Variants in HIPK1 observed in about 807,000 individuals in gnomAD.
The protein encoded by HIPK1 is homeodomain interacting protein kinase 1, also known as homeodomain-interacting protein kinase 1.
A neutral mutation model predicts 117.1 loss-of-function variants in HIPK1; 28 were observed. That is an observed-to-expected ratio of 0.24 (90% CI 0.18 to 0.33). HIPK1 has a LOEUF of 0.33. Ranked by LOEUF, HIPK1 falls within the 10% of genes least tolerant of loss-of-function variation. HIPK1 has a pLI of 1.00. For missense variants in HIPK1, 1,122 were observed against 1,475.1 expected (o/e 0.76, Z 3.92); for synonymous variants, 605 against 562.5 (o/e 1.08, Z -1.07).
intron 10 of HIPK1, among the ~76,000 whole-genome samples, chr1:113,965,163 A>G (rs141097311): frequency 8.3e-4 from 127 of 152,358 alleles, no homozygotes; most frequent in Non-Finnish European, 1.5e-3. Flanking sequence ...AAATATTTTT[A>G]AAACAGTGTG....
chr1:113,937,746 G>A (rs1310083254), intron 1 of HIPK1, among the ~76,000 whole-genome samples: 1 of 152,108 alleles, frequency 6.6e-6, no homozygotes, highest in Admixed American at 6.6e-5. Flanking sequence ...GTGGGGGCAG[G>A]GGGTGATCGT....
intron 13 of HIPK1, among the ~76,000 whole-genome samples, chr1:113,968,935 A>G (rs1322905197): frequency 6.6e-6 from 1 of 152,060 alleles, no homozygotes; most frequent in Non-Finnish European, 1.5e-5. Flanking sequence ...CAGGAGAATC[A>G]CTTGAACCCA....
intron 2 of HIPK1, among the ~76,000 whole-genome samples, chr1:113,945,439 G>A (rs1446018594): frequency 2.6e-5 from 4 of 152,084 alleles, no homozygotes; most frequent in Non-Finnish European, 5.9e-5. Context: ...TTTCCCCTAT[G>A]TTTTCTGCTA....
intron 2 of HIPK1, among the ~76,000 whole-genome samples, chr1:113,945,582 A>C (rs570503500): frequency 6.6e-6 from 1 of 152,316 alleles, no homozygotes; most frequent in South Asian, 2.1e-4. Context: ...ATTTGCTAAG[A>C]AGATTGTCCT....
intron 13 of HIPK1, 70 bp from the exon 14 acceptor site, chr1:113,969,881 TGGGTG>T: frequency 6.5e-7 from 1 of 1,545,960 alleles, no homozygotes; most frequent in Non-Finnish European, 8.8e-7. Flanking sequence ...CACTCCAGCC[TGGGTG>T]ACAGAACAAG....
At chr1:113,956,485 T>G (rs979100302) in intron 5 of HIPK1, 142 bp from the exon 6 acceptor site, 1 of 511,716 alleles carries the variant, frequency 2.0e-6, no homozygotes, top group African/African-American at 2.0e-5. Flanking sequence ...TGAAAATGAT[T>G]AGATTTTCAT....
chr1:113,940,420 G>A lies in HIPK1; in HGVS notation c.37G>A (p.Val13Met). 1 of 1,612,920 alleles carries A rather than the reference G, an allele frequency of 6.2e-7. No individual in the cohort carries two copies. The highest frequency in any genetic ancestry group is 8.5e-7 in the Non-Finnish European group (1 of 1,179,196). The change falls in exon 2 of 16, where the codon GTG becomes ATG. Residue 13 changes from valine (V) to methionine (M), a missense_variant. By Grantham distance (21) the Val-to-Met change is conservative. This residue lies in a region of HIPK1 where 192 missense variants were observed against 234.0 expected (regional missense o/e 0.82). Transcript: ENST00000426820. ...GCTGCAAGTGTTTTCGCCCCCATCA[G>A]TGTCGTCGAGTGCCTTCTGCAGTGC... ...SQLQVFSPPS[V>M]SSSAFCSAKK...
intron 10 of HIPK1, among the ~76,000 whole-genome samples, chr1:113,965,545 C>G (rs1672388071): frequency 6.6e-6 from 1 of 152,118 alleles, no homozygotes; most frequent in African/African-American, 2.4e-5. Flanking sequence ...CATTATGTGG[C>G]TATAAATGAT....
At chr1:113,970,299 G>A in intron 14 of HIPK1, 102 bp downstream of exon 14, 3 of 1,263,706 alleles carry the variant, frequency 2.4e-6, no homozygotes, top group Non-Finnish European at 3.4e-6. Context: ...GACCAGTGGT[G>A]TAGACATTCT....
intron 8 of HIPK1, 43 bp from the exon 9 acceptor site, chr1:113,962,274 C>G (rs1466092509): frequency 2.6e-5 from 42 of 1,602,358 alleles, no homozygotes; most frequent in Non-Finnish European, 3.5e-5. Flanking sequence ...ACAGTACTCC[C>G]AGACCTTGCA....
chr1:113,937,115 C>T (rs1670301651), intron 1 of HIPK1, among the ~76,000 whole-genome samples: 1 of 152,186 alleles, frequency 6.6e-6, no homozygotes. Context: ...AATTCAGCCT[C>T]ACAGTTAAAT....
Position 113,958,068 on chromosome 1 carries a change from C to T in HIPK1, c.1758C>T (p.Ala586=), listed in dbSNP as rs775604377. The stretch of plus-strand genomic sequence containing the variant: ...AAATATAATCCTTTTGTTTTTAGGC[C>T]AGTGTTCTAGCTTCCAGTTCTACTG... The part of the protein sequence containing the change: ...SNQLNTVHNQ[A]SVLASSSTAA... Residue 586 remains alanine, a splice_region_variant and synonymous_variant, in exon 8 of 16, where the codon GCC becomes GCT. Transcript: ENST00000426820. 2 of 1,611,378 alleles carry T rather than the reference C, an allele frequency of 1.2e-6. No homozygotes were observed. The highest frequency in any genetic ancestry group is 1.7e-6 in the Non-Finnish European group (2 of 1,177,758).
chr1:113,968,454 T>A lies in HIPK1; in HGVS notation c.2577T>A (p.Asp859Glu). ...SAPVSSKSSL[D>E]VLPSQVYSLV... is the part of the protein sequence containing the mutation. ...ACTTTTCCTACAGGTCCTCTCTAGA[T>A]GTTCTGCCTTCCCAAGTCTATTCTC... The change falls in exon 13 of 16, where the codon GAT (aspartate) becomes GAA (glutamate). Residue 859 changes from aspartate to glutamate, a missense_variant. Coordinates refer to ENST00000426820, the MANE Select transcript of HIPK1 (RefSeq NM_198268.3). 11 of 1,613,180 alleles carry A rather than the reference T, an allele frequency of 6.8e-6. No homozygotes were observed. Among genetic ancestry groups the A allele is most frequent in the Non-Finnish European group, 9.3e-6 (11 of 1,179,064 alleles).
Position 113,943,596 on chromosome 1 carries a change from T to C in HIPK1, c.1076+2137T>C, listed in dbSNP as rs372703777. 3.9e-5 allele frequency among the ~76,000 whole-genome samples: 6 copies of C among 152,346 alleles called. No homozygotes were observed. In the East Asian group the frequency reaches 9.6e-4, roughly 24 times the overall value. On this transcript the variant is annotated intron_variant, in intron 2 of 15. Coordinates refer to ENST00000426820, the MANE Select transcript of HIPK1 (RefSeq NM_198268.3). ...TGAATAATGCTGCTATGAACATTGGTGTACAAGTATCCTAGTCCCTATTTT... is the reference window on the plus strand; with the variant it reads ...TGAATAATGCTGCTATGAACATTGGCGTACAAGTATCCTAGTCCCTATTTT...
rs758705160 is a variant in HIPK1, at chr1:113,967,859, G to A, written c.2475G>A (p.Leu825=). 1 of 1,612,474 alleles carries A rather than the reference G, an allele frequency of 6.2e-7. No individual in the cohort carries two copies. The highest frequency in any genetic ancestry group is 1.1e-5 in the South Asian group (1 of 90,716). Residue 825 remains leucine (L), a synonymous_variant, in exon 12 of 16, where the codon CTG becomes CTA. Transcript: ENST00000426820. The part of the protein sequence containing the change: ...NHVTLATAQP[L]NVGVAHVVRQ... ...TGACATTGGCCACTGCTCAGCCTCT[G>A]AATGTTGGTGTTGCCCATGTTGTCA...
intron 10 of HIPK1, 133 bp downstream of exon 10, chr1:113,963,654 A>G: frequency 7.2e-6 from 7 of 972,838 alleles, no homozygotes; most frequent in Non-Finnish European, 7.4e-6. Flanking sequence ...TAGTCTTTGC[A>G]GAGGGCATGG....
rs1314295518 is a variant in HIPK1, at chr1:113,975,079, TGAG to T, written c.*1571_*1573del. The T allele has an allele frequency of 6.5e-6, 1 of 152,822 alleles. No homozygotes were observed. Among genetic ancestry groups the T allele is most frequent in the Non-Finnish European group, 1.5e-5 (1 of 68,102 alleles). The allele number at this position is 152,822 out of a possible 1,614,324, so 9.5% of individuals were successfully genotyped here. A position where few individuals can be genotyped will look rare whatever the true frequency, so the allele number is the denominator to read the frequency against. ...AATTGTTTTGCACAGGTGTGTCTGG[TGAG>T]GAGTTTTTCAGTGTGTGTCTCTTCC... On this transcript the variant is annotated 3_prime_UTR_variant, in exon 16 of 16. Coordinates refer to ENST00000426820, the MANE Select transcript of HIPK1 (RefSeq NM_198268.3).
intron 12 of HIPK1, among the ~76,000 whole-genome samples, chr1:113,968,162 G>A (rs142122354): frequency 3.7e-4 from 56 of 152,236 alleles, no homozygotes; most frequent in Admixed American, 4.6e-4. Flanking sequence ...TGAATCTAGG[G>A]CATTTTATGA....
chr1:113,973,048 A>C lies in HIPK1; in HGVS notation c.3169A>C (p.Thr1057Pro). 1 of 1,516,784 alleles carries C rather than the reference A, an allele frequency of 6.6e-7. No individual in the cohort carries two copies. The highest frequency in any genetic ancestry group is 1.3e-5 in the South Asian group (1 of 75,046). 94.0% of individuals were successfully genotyped at this position (1,516,784 alleles called of 1,614,324 possible). ...SQNQQSSAAPTSQERSSNPAP... is the reference protein window; with the variant it reads ...SQNQQSSAAPPSQERSSNPAP... ...GAACCAGCAGTCATCGGCGGCTCCA[A>C]CCTCACAGGAGAGAAGCAGCAACCC... The change falls in exon 16 of 16, where the codon ACC (threonine) becomes CCC (proline). Residue 1057 changes from threonine (T) to proline (P), a missense_variant. By Grantham distance (38) the Thr-to-Pro change is conservative. This residue lies in a region of HIPK1 where 731 missense variants were observed against 860.4 expected (regional missense o/e 0.85). Transcript: ENST00000426820.
Sources: allele counts gnomAD v4.1 joint callset (sites outside exome capture counted in the v4.1 genomes callset), GRCh38; gene constraint gnomAD v4.1.1; regional missense constraint gnomAD v4.1.1; transcripts MANE v1.5; gene names NCBI Gene and HGNC (gene_info 2026-07-23, HGNC 2026-07-21).